DTX1: variants seen among roughly 807,000 people sequenced by gnomAD.
DTX1 encodes deltex E3 ubiquitin ligase 1, also known as E3 ubiquitin-protein ligase DTX1.
Under a neutral mutation model 57.8 loss-of-function variants are expected in DTX1, and 26 were observed. The ratio of observed to expected loss-of-function variants is 0.45; its 90% confidence interval spans 0.33 to 0.62. The LOEUF (loss-of-function observed/expected upper bound fraction) is 0.62. DTX1 is among the 20% of genes least tolerant of loss of function. DTX1 has a pLI of 0.02. For missense variants in DTX1, 704 were observed against 895.3 expected, an observed-to-expected ratio of 0.79 and a Z score of 2.73; for synonymous variants, 398 against 394.1, an observed-to-expected ratio of 1.01 and a Z score of -0.12.
intron 3 of DTX1, among the ~76,000 whole-genome samples, chr12:113,085,938 T>C (rs113452746): frequency 5.9e-5 from 9 of 152,154 alleles, no homozygotes; most frequent in African/African-American, 2.2e-4. Flanking sequence ...ATGGAGAAGG[T>C]AATACCTTCT....
At position 113,095,310 on chromosome 12, in the gene DTX1, TG is replaced by T; in HGVS notation, c.1549-14del. On this transcript the variant is annotated splice_polypyrimidine_tract_variant and intron_variant, in intron 8 of 9. Coordinates refer to ENST00000548759, the MANE Select transcript of DTX1 (RefSeq NM_004416.3). ...CTGTTCATGGTCTAAATCCCTGTAC[TG>T]TCCCTCTCTGCAGGGCCCTGAGCAC... is the stretch of plus-strand genomic sequence containing the variant. 1.2e-6 allele frequency: 2 copies of T among 1,614,002 alleles called. No homozygotes were observed. Among genetic ancestry groups the T allele is most frequent in the East Asian group, 2.2e-5 (1 of 44,882 alleles).
rs747079734 is a variant in DTX1 at position 113,094,049 on chromosome 12, G to A, written c.1177G>A (p.Glu393Lys). The change falls in exon 6 of 10, where the codon GAG becomes AAG. Residue 393 changes from glutamate (E) to lysine (K), a missense_variant. Around this residue, in one of 3 missense-constraint regions of DTX1, gnomAD observed 299 missense variants for 311.2 expected, o/e 0.96. Transcript: ENST00000548759. Reference protein sequence around the residue: ...KKHLKKSKNPEDVVRRYMQKV... With the variant: ...KKHLKKSKNPKDVVRRYMQKV... ...CTGTGTCCCTGCAGGTAAGAATCCC[G>A]AGGATGTGGTTCGAAGATACATGCA... 1.7e-5 allele frequency: 26 copies of A among 1,574,162 alleles called. No homozygotes were observed. Among genetic ancestry groups the A allele is most frequent in the South Asian group, 3.5e-5 (3 of 85,758 alleles).
Position 113,077,861 on chromosome 12 carries a change from C to T in DTX1, c.697C>T (p.Pro233Ser). Reference protein sequence around the residue: ...RRKAPPAPPLPPPPPPGGPPG... With the variant: ...RRKAPPAPPLSPPPPPGGPPG... The stretch of plus-strand genomic sequence containing the variant: ...CAAGGCGCCCCCCGCGCCCCCGCTG[C>T]CGCCGCCGCCGCCACCTGGAGGGCC... Residue 233 changes from proline to serine, a missense_variant, in exon 3 of 10, where the codon CCG becomes TCG. Physicochemically the swap from Pro to Ser is moderately conservative, Grantham distance 74. Around this residue, in one of 3 missense-constraint regions of DTX1, gnomAD observed 299 missense variants for 311.2 expected, o/e 0.96. Transcript: ENST00000548759. This position sits in a 1 kb window ranked among gnomAD's most constrained non-coding sequence, Gnocchi z 7.8. 2.3e-6 allele frequency: 3 copies of T among 1,302,790 alleles called. No homozygotes were observed. The highest frequency in any genetic ancestry group is 1.9e-6 in the Non-Finnish European group (2 of 1,034,900). The allele number at this position is 1,302,790 out of a possible 1,614,324, so 80.7% of individuals were successfully genotyped here.
chr12:113,093,462 G>T lies in DTX1; in HGVS notation c.1004-77G>T. On this transcript the variant is annotated intron_variant, in intron 4 of 9. Transcript: ENST00000548759. This position sits in a 1 kb window ranked among gnomAD's most constrained non-coding sequence, Gnocchi z 4.2. ...ACCCTCCCACCCACCCGAGGGCCCC[G>T]GGATTCCCAGGGCCAGTGGTCGGGG... is the stretch of plus-strand genomic sequence containing the variant. 1 of 941,928 alleles carries T rather than the reference G, an allele frequency of 1.1e-6. No individual in the cohort carries two copies. 58.3% of individuals were successfully genotyped at this position (941,928 alleles called of 1,614,324 possible). A position where few individuals can be genotyped will look rare whatever the true frequency, so the allele number is the denominator to read the frequency against.
rs1016763032 is a variant in DTX1 at position 113,096,998 on chromosome 12, C to T, written c.*59C>T. On this transcript the variant is annotated 3_prime_UTR_variant, in exon 10 of 10. Transcript: ENST00000548759. ...CCCCTGGTCCGGCAAATGCCTCCTT[C>T]GCCAGGTGTGTCCTGGTAGCCCAGG... 26 of 1,516,800 alleles carry T rather than the reference C, an allele frequency of 1.7e-5. No homozygotes were observed. The highest frequency in any genetic ancestry group is 1.8e-4 in the Middle Eastern group (1 of 5,714). 94.0% of individuals were successfully genotyped at this position (1,516,800 alleles called of 1,614,324 possible). A position where few individuals can be genotyped will look rare whatever the true frequency, so the allele number is the denominator to read the frequency against.
chr12:113,094,988 C>G (rs376728200), intron 7 of DTX1, 41 bp downstream of exon 7: 4 of 1,605,230 alleles, frequency 2.5e-6, no homozygotes, highest in Non-Finnish European at 3.4e-6. Flanking sequence ...GGGCAGGGAA[C>G]GGAGTGGGGT....
intron 2 of DTX1, among the ~76,000 whole-genome samples, chr12:113,071,893 G>A (rs1385561911): frequency 6.6e-6 from 1 of 152,206 alleles, no homozygotes; most frequent in Non-Finnish European, 1.5e-5. Context: ...AGGACTCCAG[G>A]GACACAGCCT....
Position 113,077,349 on chromosome 12 carries a change from T to G in DTX1, c.260-75T>G. The G allele has an allele frequency of 2.0e-6, 2 of 983,986 alleles. No homozygotes were observed. Among genetic ancestry groups the G allele is most frequent in the Non-Finnish European group, 2.8e-6 (2 of 717,708 alleles). The allele number at this position is 983,986 out of a possible 1,614,324, so 61.0% of individuals were successfully genotyped here. A position where few individuals can be genotyped will look rare whatever the true frequency, so the allele number is the denominator to read the frequency against. The stretch of plus-strand genomic sequence containing the variant: ...CCCCAACCTCCCGCCCACCCTTGCC[T>G]GGCTGTGGCCCGCCCTTCCAGCCGC... On this transcript the variant is annotated intron_variant, in intron 2 of 9. Coordinates refer to ENST00000548759, the MANE Select transcript of DTX1 (RefSeq NM_004416.3). This position sits in a 1 kb window ranked among gnomAD's most constrained non-coding sequence, Gnocchi z 7.8.
At position 113,077,384 on chromosome 12, in the gene DTX1, C is replaced by T. The variant is rs1435002723; in HGVS notation, c.260-40C>T. ...CCGCCCTTCCAGCCGCGCAGACCAA[C>T]GCCCGCTGTGCTGACGCCTCCTCCC... On this transcript the variant is annotated intron_variant, in intron 2 of 9. Transcript: ENST00000548759. The surrounding 1 kb of genome is among the most constrained non-coding windows in gnomAD (Gnocchi z 7.8). 2.0e-6 allele frequency: 3 copies of T among 1,501,952 alleles called. No individual in the cohort carries two copies. In the East Asian group the frequency reaches 7.2e-5, roughly 36 times the overall value. 93.0% of individuals were successfully genotyped at this position (1,501,952 alleles called of 1,614,324 possible). A position where few individuals can be genotyped will look rare whatever the true frequency, so the allele number is the denominator to read the frequency against.
At chr12:113,075,684 A>T (rs538379618) in intron 2 of DTX1, among the ~76,000 whole-genome samples, 16 of 152,238 alleles carry the variant, frequency 1.1e-4, no homozygotes, top group Non-Finnish European at 2.4e-4. Context: ...CCTTTATGAA[A>T]GGGGGCCCAC....
chr12:113,077,343 C>A lies in DTX1; in HGVS notation c.260-81C>A. ...CTGACCCCCCAACCTCCCGCCCACC[C>A]TTGCCTGGCTGTGGCCCGCCCTTCC... On this transcript the variant is annotated intron_variant, in intron 2 of 9. Coordinates refer to ENST00000548759, the MANE Select transcript of DTX1 (RefSeq NM_004416.3). The surrounding 1 kb of genome is among the most constrained non-coding windows in gnomAD (Gnocchi z 7.8). 1.3e-6 allele frequency: 2 copies of A among 1,485,390 alleles called. No individual in the cohort carries two copies. The highest frequency in any genetic ancestry group is 1.3e-5 in the South Asian group (1 of 74,212). 92.0% of individuals were successfully genotyped at this position (1,485,390 alleles called of 1,614,324 possible).
chr12:113,077,502 AC>A lies in DTX1; in HGVS notation c.339del (p.Asn113LysfsTer33). Reference protein sequence around the residue: ...PGKGIVWEWENDGGAWTAYDM... With the variant: ...PGKGIVWEWEXDGGAWTAYDM... ...AAGGGCATCGTGTGGGAGTGGGAGAACGACGGCGGCGCATGGACGGCCTACG... is the reference window on the plus strand; with the variant it reads ...AAGGGCATCGTGTGGGAGTGGGAGAAGACGGCGGCGCATGGACGGCCTACG... On this transcript the variant is annotated frameshift_variant, in exon 3 of 10. Transcript: ENST00000548759. LOFTEE classifies it high-confidence loss of function. This position sits in a 1 kb window ranked among gnomAD's most constrained non-coding sequence, Gnocchi z 7.8. The A allele has an allele frequency of 6.2e-7, 1 of 1,611,692 alleles. No individual in the cohort carries two copies.
intron 2 of DTX1, among the ~76,000 whole-genome samples, chr12:113,070,095 C>A (rs1185722573): frequency 6.6e-6 from 1 of 152,206 alleles, no homozygotes; most frequent in Non-Finnish European, 1.5e-5. Context: ...CGGTGTGCTC[C>A]TAACTGCTCC....
chr12:113,058,267 G>T lies in DTX1; in HGVS notation c.75G>T (p.Val25=). 3 of 1,613,770 alleles carry T rather than the reference G, an allele frequency of 1.9e-6. No homozygotes were observed. The highest frequency in any genetic ancestry group is 2.5e-6 in the Non-Finnish European group (3 of 1,180,006). ...TCCCACCGCAGAACGTGGCCCGGGT[G>T]GTGGTGTGGGAGTGGCTGAATGAGC... The part of the protein sequence containing the change: ...LGFPPQNVAR[V]VVWEWLNEHS... Residue 25 remains valine, a synonymous_variant, in exon 2 of 10, where the codon GTG becomes GTT. Coordinates refer to ENST00000548759, the MANE Select transcript of DTX1 (RefSeq NM_004416.3).
chr12:113,063,045 G>A lies in DTX1; in HGVS notation c.259+4594G>A, dbSNP rs111360353. Among the ~76,000 whole-genome samples, 307 of 152,348 alleles carry A rather than the reference G, an allele frequency of 2.0e-3. 2 individuals carry two copies. The highest frequency in any genetic ancestry group is 6.6e-3 in the African/African-American group (273 of 41,584). ...GTTGGAGGGAGAGTCAGAGCTGGGC[G>A]AGGGATGGGTCGCTTGCTCGCTTCG... is the stretch of plus-strand genomic sequence containing the variant. On this transcript the variant is annotated intron_variant, in intron 2 of 9. Transcript: ENST00000548759.
Position 113,077,657 on chromosome 12 carries a change from C to G in DTX1, c.493C>G (p.Arg165Gly). The G allele has an allele frequency of 1.3e-6, 2 of 1,586,474 alleles. No individual in the cohort carries two copies. Among genetic ancestry groups the G allele is most frequent in the Non-Finnish European group, 1.7e-6 (2 of 1,169,678 alleles). ...GTCGCAGATGAACCGCCAGACGCGCCGGCGCCGCCGCCTGCGCCGCCGCCT... is the reference window on the plus strand; with the variant it reads ...GTCGCAGATGAACCGCCAGACGCGCGGGCGCCGCCGCCTGCGCCGCCGCCT... The part of the protein sequence containing the change: ...SMSQMNRQTR[R>G]RRRLRRRLDL... Residue 165 changes from arginine (R) to glycine (G), a missense_variant, in exon 3 of 10, where the codon CGG (arginine) becomes GGG (glycine). By Grantham distance (125) the Arg-to-Gly change is moderately radical. This residue lies in a region of DTX1 where 237 missense variants were observed against 328.6 expected (regional missense o/e 0.72). Transcript: ENST00000548759. The surrounding 1 kb of genome is among the most constrained non-coding windows in gnomAD (Gnocchi z 7.8).
In DTX1 at chr12:113,093,940, G is replaced by A; in HGVS notation, c.1166-98G>A. ...GCCTGACCCCGGCCAACCCTTGCCA[G>A]CCTGACCCCTGCCCTCTGACCCCTG... On this transcript the variant is annotated intron_variant, in intron 5 of 9. Transcript: ENST00000548759. The surrounding 1 kb of genome is among the most constrained non-coding windows in gnomAD (Gnocchi z 4.2). 1 of 1,520,612 alleles carries A rather than the reference G, an allele frequency of 6.6e-7. No individual in the cohort carries two copies. Among genetic ancestry groups the A allele is most frequent in the Middle Eastern group, 1.8e-4 (1 of 5,592 alleles). The allele number at this position is 1,520,612 out of a possible 1,614,324, so 94.2% of individuals were successfully genotyped here.
At chr12:113,080,015 T>C (rs929656660) in intron 3 of DTX1, among the ~76,000 whole-genome samples, 2 of 152,150 alleles carry the variant, frequency 1.3e-5, no homozygotes, top group African/African-American at 4.8e-5. Context: ...AGTTCAGCCA[T>C]GGCCGTTAGG....
intron 2 of DTX1, among the ~76,000 whole-genome samples, chr12:113,060,402 A>C (rs1386058498): frequency 6.6e-6 from 1 of 152,104 alleles, no homozygotes. Context: ...CGAGAGCATG[A>C]ACTAAACCTG....
Sources: gnomAD v4.1 joint callset for allele counts (sites outside exome capture counted in the v4.1 genomes callset) on GRCh38, gnomAD v4.1.1 for gene constraint, gnomAD v4.1.1 regional missense constraint, Gnocchi (gnomAD v3.1) non-coding constraint, MANE v1.5 for transcripts, NCBI Gene and HGNC (gene_info 2026-07-23, HGNC 2026-07-21) for gene names.